Variants in HIVEP3 observed in about 807,000 individuals in gnomAD.
HIVEP3 encodes HIVEP zinc finger 3, also known as transcription factor HIVEP3.
Under a neutral mutation model 152.8 loss-of-function variants are expected in HIVEP3, and 49 were observed. The observed-to-expected ratio is 0.32, with a 90% CI of 0.26 to 0.41. HIVEP3 has a LOEUF of 0.41. Among genes scored for constraint, HIVEP3 ranks in the 10% least tolerant of loss-of-function variants. The pLI is 1.00. For missense variants in HIVEP3, 2,790 were observed against 3,103.3 expected (o/e 0.90, Z 2.40); for synonymous variants, 1,269 against 1,289.0 (o/e 0.98, Z 0.33).
At chr1:41,734,150 G>A (rs570185734) in intron 1 of HIVEP3, among the ~76,000 whole-genome samples, 26 of 152,286 alleles carry the variant, frequency 1.7e-4, no homozygotes, top group Non-Finnish European at 3.7e-4. Flanking sequence ...GGCCTGGGGT[G>A]GGCTCTCTGA....
intron 3 of HIVEP3, among the ~76,000 whole-genome samples, chr1:41,624,424 A>C (rs2149144564): frequency 6.6e-6 from 1 of 152,328 alleles, no homozygotes; most frequent in East Asian, 1.9e-4. Context: ...GAATATAGCC[A>C]ACAAGTGCTG....
intron 1 of HIVEP3, among the ~76,000 whole-genome samples, chr1:41,779,582 A>C (rs1648915356): frequency 6.6e-6 from 1 of 152,168 alleles, no homozygotes; most frequent in Admixed American, 6.5e-5. Flanking sequence ...TGCAACCTCC[A>C]CCTCCAGGGT....
intron 5 of HIVEP3, among the ~76,000 whole-genome samples, chr1:41,527,722 AC>A (rs1224291466): frequency 2.5e-5 from 3 of 122,130 alleles, no homozygotes; most frequent in African/African-American, 9.8e-5. Flanking sequence ...TCACATGCTC[AC>A]CCTCACACAT....
intron 1 of HIVEP3, among the ~76,000 whole-genome samples, chr1:42,013,049 T>C (rs1224274975): frequency 6.6e-6 from 1 of 152,186 alleles, no homozygotes. Flanking sequence ...TCTACAGTTC[T>C]GGAGGCTAAA....
chr1:41,992,218 T>G (rs2124517705), intron 1 of HIVEP3, among the ~76,000 whole-genome samples: 1 of 152,112 alleles, frequency 6.6e-6, no homozygotes, highest in Non-Finnish European at 1.5e-5. Context: ...TGTCCCTCTT[T>G]GCAGATGACA....
At chr1:41,761,928 G>A (rs1647713413) in intron 1 of HIVEP3, among the ~76,000 whole-genome samples, 2 of 152,196 alleles carry the variant, frequency 1.3e-5, no homozygotes, top group Admixed American at 6.5e-5. Context: ...CCTGAAAGCC[G>A]AGTTACAAGT....
At chr1:41,606,686 A>G (rs969955160) in intron 3 of HIVEP3, among the ~76,000 whole-genome samples, 1 of 151,936 alleles carries the variant, frequency 6.6e-6, no homozygotes, top group African/African-American at 2.4e-5. Context: ...CAGAAAATAT[A>G]GGTGACTGAG....
chr1:41,611,479 G>T (rs1344090773), intron 3 of HIVEP3, among the ~76,000 whole-genome samples: 3 of 152,204 alleles, frequency 2.0e-5, no homozygotes, highest in Non-Finnish European at 4.4e-5. Context: ...AGCCTATCAG[G>T]CCGGCAATGT....
intron 1 of HIVEP3, among the ~76,000 whole-genome samples, chr1:41,765,249 C>T (rs575091767): frequency 9.9e-5 from 15 of 152,276 alleles, no homozygotes; most frequent in African/African-American, 3.4e-4. Flanking sequence ...TTCAGACTTC[C>T]TCATCTCCCC....
chr1:41,641,355 G>A (rs1441564078), intron 2 of HIVEP3, among the ~76,000 whole-genome samples: 2 of 152,176 alleles, frequency 1.3e-5, no homozygotes, highest in Non-Finnish European at 2.9e-5. Context: ...TAGCTAAGAG[G>A]GGAAGCCTGG....
chr1:41,542,019 G>A (rs552065276), intron 5 of HIVEP3: 5 of 152,250 alleles, frequency 3.3e-5, no homozygotes, highest in Non-Finnish European at 7.3e-5. Context: ...GCCTAGCACC[G>A]AGTGGGGCTC....
intron 1 of HIVEP3, among the ~76,000 whole-genome samples, chr1:41,826,804 T>C (rs116904913): frequency 6.6e-6 from 1 of 152,336 alleles, no homozygotes; most frequent in East Asian, 1.9e-4. Flanking sequence ...GGGAGAAATG[T>C]TACTGACTTC....
At chr1:41,825,625 A>T (rs1642780069) in intron 1 of HIVEP3, among the ~76,000 whole-genome samples, 1 of 151,684 alleles carries the variant, frequency 6.6e-6, no homozygotes, top group Non-Finnish European at 1.5e-5. Flanking sequence ...ATATTTTTTG[A>T]AACAGGGTCT....
chr1:41,693,540 T>C (rs1418172881), intron 2 of HIVEP3, among the ~76,000 whole-genome samples: 1 of 152,222 alleles, frequency 6.6e-6, no homozygotes, highest in Non-Finnish European at 1.5e-5. Context: ...ACAAGAGCTC[T>C]TTGGGTATTA....
intron 5 of HIVEP3, among the ~76,000 whole-genome samples, chr1:41,539,159 GC>G (rs1247750001): frequency 6.6e-6 from 1 of 152,138 alleles, no homozygotes; most frequent in East Asian, 1.9e-4. Flanking sequence ...CTTGGATTAG[GC>G]CATTTTCAGG....
intron 2 of HIVEP3, among the ~76,000 whole-genome samples, chr1:41,632,367 G>A (rs1570160181): frequency 6.6e-6 from 1 of 152,186 alleles, no homozygotes; most frequent in South Asian, 2.1e-4. Context: ...CGGAGTAGGG[G>A]TAGTCAATTT....
chr1:41,705,533 C>G (rs1429410567), intron 1 of HIVEP3, among the ~76,000 whole-genome samples: 3 of 152,210 alleles, frequency 2.0e-5, no homozygotes, highest in Non-Finnish European at 4.4e-5. Flanking sequence ...GGTTAAGGAA[C>G]AAAAGTGCAG....
chr1:41,658,237 TAAC>T (rs1360394075), intron 2 of HIVEP3, among the ~76,000 whole-genome samples: 8 of 152,324 alleles, frequency 5.3e-5, no homozygotes, highest in Non-Finnish European at 1.2e-4. Context: ...CAAGCAACAA[TAAC>T]TCATCCACAA....
chr1:41,790,453 C>T (rs1649624772), intron 1 of HIVEP3, among the ~76,000 whole-genome samples: 1 of 152,190 alleles, frequency 6.6e-6, no homozygotes, highest in Admixed American at 6.5e-5. Flanking sequence ...ATTACCCAGC[C>T]TCGCATATTA....
Sources: allele counts gnomAD v4.1 joint callset (sites outside exome capture counted in the v4.1 genomes callset), GRCh38; gene constraint gnomAD v4.1.1; transcripts MANE v1.5; gene names NCBI Gene and HGNC (gene_info 2026-07-23, HGNC 2026-07-21).